NPY2R: variants seen among roughly 807,000 people sequenced by gnomAD.
NPY2R encodes the protein neuropeptide Y receptor type 2.
A neutral mutation model predicts 22.3 loss-of-function variants in NPY2R; 17 were observed. That is an observed-to-expected ratio of 0.76 (90% CI 0.52 to 1.14). NPY2R has a LOEUF of 1.14. Among genes scored for constraint, NPY2R ranks in the 50% most tolerant of loss-of-function variants. The pLI, the probability that NPY2R is intolerant of heterozygous loss-of-function variation, is 0.00. For synonymous variants in NPY2R, 209 were observed against 183.4 expected, an observed-to-expected ratio of 1.14 and a Z score of -1.13; for missense variants, 424 against 467.9, an observed-to-expected ratio of 0.91 and a Z score of 0.87.
At chr4:155,173,981 G>A in the NPY2R span, among the ~76,000 whole-genome samples, 2 of 151,930 alleles carry the variant, frequency 1.3e-5, no homozygotes, top group Non-Finnish European at 2.9e-5. Flanking sequence ...TTAATAAACA[G>A]CATTTAAACT....
At chr4:155,195,547 A>G in the NPY2R span, among the ~76,000 whole-genome samples, 1 of 151,914 alleles carries the variant, frequency 6.6e-6, no homozygotes, top group Non-Finnish European at 1.5e-5. Flanking sequence ...TATTTTATCC[A>G]CTATGCTTAT....
At chr4:155,189,848 A>G in the NPY2R span, among the ~76,000 whole-genome samples, 1 of 151,998 alleles carries the variant, frequency 6.6e-6, no homozygotes, top group African/African-American at 2.4e-5. Flanking sequence ...ATTGGAAAGC[A>G]AAAAATCCTT....
At chr4:155,194,173 T>A in the NPY2R span, among the ~76,000 whole-genome samples, 1 of 151,984 alleles carries the variant, frequency 6.6e-6, no homozygotes, top group African/African-American at 2.4e-5. Context: ...TTGTGCAAGA[T>A]GAATAATTCC....
At chr4:155,204,182 C>G (rs1385047685), upstream of NPY2R, among the ~76,000 whole-genome samples, 2 of 150,892 alleles carry the variant, frequency 1.3e-5, no homozygotes, top group Non-Finnish European at 2.9e-5. Flanking sequence ...TCTCAGGGAC[C>G]GCTGATATTA....
At chr4:155,195,003 T>G in the NPY2R span, among the ~76,000 whole-genome samples, 3 of 152,162 alleles carry the variant, frequency 2.0e-5, no homozygotes, top group Non-Finnish European at 2.9e-5. Flanking sequence ...TGGGCATTTT[T>G]TTCACATGCT....
the NPY2R span, among the ~76,000 whole-genome samples, chr4:155,197,236 T>C: frequency 6.6e-6 from 1 of 152,000 alleles, no homozygotes; most frequent in African/African-American, 2.4e-5. Context: ...GTAAACATGT[T>C]TCATTTTATA....
rs201784122 is a variant in NPY2R at position 155,214,960 on chromosome 4, C to A, written c.1021C>A (p.Arg341Ser). 1.2e-6 allele frequency: 2 copies of A among 1,614,094 alleles called. No homozygotes were observed. Among genetic ancestry groups the A allele is most frequent in the Non-Finnish European group, 1.7e-6 (2 of 1,180,048 alleles). The change falls in exon 2 of 2, where the codon CGC becomes AGC. Residue 341 changes from arginine (R) to serine (S), a missense_variant. Coordinates refer to ENST00000329476, the MANE Select transcript of NPY2R (RefSeq NM_000910.4). ...CAGAAAGGCTTTCCTCTCGGCCTTC[C>A]GCTGTGAGCAGCGGTTGGATGCCAT... is the stretch of plus-strand genomic sequence containing the variant. Reference protein sequence around the residue: ...NYRKAFLSAFRCEQRLDAIHS... With the variant: ...NYRKAFLSAFSCEQRLDAIHS...
the NPY2R span, among the ~76,000 whole-genome samples, chr4:155,193,853 G>A: frequency 6.6e-6 from 1 of 151,878 alleles, no homozygotes; most frequent in African/African-American, 2.4e-5. Flanking sequence ...AACAAACATG[G>A]AAACAAACAC....
the NPY2R span, among the ~76,000 whole-genome samples, chr4:155,203,216 G>A: frequency 1.3e-5 from 2 of 152,242 alleles, no homozygotes; most frequent in Admixed American, 6.5e-5. Flanking sequence ...GATATGCCCA[G>A]TTTAGGAAGT....
Position 155,216,304 on chromosome 4 carries a change from G to A in NPY2R, c.*1219G>A, listed in dbSNP as rs1442808838. The A allele has an allele frequency of 6.0e-6, 1 of 166,278 alleles. No homozygotes were observed. The highest frequency in any genetic ancestry group is 1.5e-5 in the Non-Finnish European group (1 of 67,946). The allele number at this position is 166,278 out of a possible 1,614,324, so 10.3% of individuals were successfully genotyped here. ...TACATAAAAATTGTTTCTATAAATTGTAGAACATAGATGCTACAGTATTTT... is the reference window on the plus strand; with the variant it reads ...TACATAAAAATTGTTTCTATAAATTATAGAACATAGATGCTACAGTATTTT... On this transcript the variant is annotated 3_prime_UTR_variant, in exon 2 of 2. Coordinates refer to ENST00000329476, the MANE Select transcript of NPY2R (RefSeq NM_000910.4).
the NPY2R span, among the ~76,000 whole-genome samples, chr4:155,176,389 G>A: frequency 1.3e-5 from 2 of 152,072 alleles, no homozygotes; most frequent in Non-Finnish European, 1.5e-5. Flanking sequence ...CTTCTCGGGC[G>A]GGGTCTTTCC....
At chr4:155,193,608 TCTCTCTAAG>T in the NPY2R span, among the ~76,000 whole-genome samples, 1 of 151,872 alleles carries the variant, frequency 6.6e-6, no homozygotes, top group East Asian at 1.9e-4. Context: ...TGTTCAGTAT[TCTCTCTAAG>T]AGATGTGAGG....
the NPY2R span, among the ~76,000 whole-genome samples, chr4:155,201,790 C>A: frequency 1.3e-5 from 2 of 152,164 alleles, no homozygotes; most frequent in East Asian, 3.9e-4. Context: ...TTTTTCCCAG[C>A]AGAGATGCAA....
chr4:155,197,502 G>T, the NPY2R span, among the ~76,000 whole-genome samples: 1 of 151,634 alleles, frequency 6.6e-6, no homozygotes, highest in African/African-American at 2.4e-5. Flanking sequence ...ACTAGGAGGA[G>T]CTCTCTGTCA....
the NPY2R span, among the ~76,000 whole-genome samples, chr4:155,177,983 G>A: frequency 6.6e-6 from 1 of 152,136 alleles, no homozygotes; most frequent in Non-Finnish European, 1.5e-5. Context: ...TTACTCTGAA[G>A]TTATAAGCAG....
rs1008976522 is a variant in NPY2R at position 155,208,811 on chromosome 4, G to C, written c.-307G>C. ...CCTCCCACCTTCACCCGCCCACCCC[G>C]CGAGTGAGTGCGGTGCCCAGGCGCG... On this transcript the variant is annotated 5_prime_UTR_variant, in exon 1 of 2. Coordinates refer to ENST00000329476, the MANE Select transcript of NPY2R (RefSeq NM_000910.4). The surrounding 1 kb of genome is among the most constrained non-coding windows in gnomAD (Gnocchi z 5.6). 6.6e-6 allele frequency: 1 copy of C among 152,052 alleles called. No individual in the cohort carries two copies. Among genetic ancestry groups the C allele is most frequent in the Non-Finnish European group, 1.5e-5 (1 of 68,042 alleles). The allele number at this position is 152,052 out of a possible 1,614,324, so 9.4% of individuals were successfully genotyped here.
the NPY2R span, among the ~76,000 whole-genome samples, chr4:155,176,514 G>A: frequency 3.9e-5 from 6 of 152,082 alleles, no homozygotes; most frequent in Non-Finnish European, 5.9e-5. Context: ...CTATTAAAAG[G>A]TTCCCTTTCT....
chr4:155,197,303 T>G, the NPY2R span, among the ~76,000 whole-genome samples: 1 of 152,010 alleles, frequency 6.6e-6, no homozygotes, highest in Admixed American at 6.6e-5. Context: ...TATTAAATTA[T>G]TTGTAGGTAT....
At chr4:155,195,065 G>A in the NPY2R span, among the ~76,000 whole-genome samples, 5 of 151,846 alleles carry the variant, frequency 3.3e-5, no homozygotes, top group Admixed American at 6.6e-5. Context: ...GCAAAGAGAT[G>A]TATCCCCAAG....
Sources: gnomAD v4.1 joint callset for allele counts (sites outside exome capture counted in the v4.1 genomes callset) on GRCh38, gnomAD v4.1.1 for gene constraint, Gnocchi (gnomAD v3.1) non-coding constraint, MANE v1.5 for transcripts, NCBI Gene and HGNC (gene_info 2026-07-23, HGNC 2026-07-21) for gene names.